The following CSNK1G1 variants were observed in gnomAD, a reference collection of about 807,000 sequenced individuals.
CSNK1G1 encodes casein kinase 1 gamma 1, also known as casein kinase I isoform gamma-1.
CSNK1G1 carries 22 observed loss-of-function variants against 59.6 expected under a neutral mutation model. That is an observed-to-expected ratio of 0.37 (90% CI 0.26 to 0.53). CSNK1G1 has a LOEUF of 0.53. Ranked by LOEUF, CSNK1G1 falls within the 20% of genes least tolerant of loss-of-function variation. The probability of loss-of-function intolerance (pLI) is 0.89; values close to 1 mark genes in which losing one functional copy is unlikely to be tolerated. For missense variants in CSNK1G1, 384 were observed against 519.5 expected (o/e 0.74, Z 2.54); for synonymous variants, 179 against 177.1 (o/e 1.01, Z -0.08).
intron 4 of CSNK1G1, among the ~76,000 whole-genome samples, chr15:64,219,377 GT>G (rs2082355979): frequency 1.3e-5 from 2 of 152,192 alleles, no homozygotes; most frequent in South Asian, 4.1e-4. Context: ...CCACTAAAAT[GT>G]TATTTTCCTA....
chr15:64,192,737 T>C (rs557869287), intron 10 of CSNK1G1, among the ~76,000 whole-genome samples: 29 of 149,316 alleles, frequency 1.9e-4, no homozygotes, highest in African/African-American at 6.9e-4. Flanking sequence ...CATATGCCTA[T>C]AGTCCCAGCT....
At chr15:64,202,953 G>A in intron 10 of CSNK1G1, 129 bp downstream of exon 10, 1 of 732,526 alleles carries the variant, frequency 1.4e-6, no homozygotes, top group South Asian at 1.6e-5. Flanking sequence ...TACCACACCT[G>A]TAAGAAATGG....
chr15:64,264,220 G>T (rs967698870), intron 2 of CSNK1G1, among the ~76,000 whole-genome samples: 1 of 152,162 alleles, frequency 6.6e-6, no homozygotes. Flanking sequence ...GGTGAAAGTT[G>T]TATTTTTACA....
At chr15:64,190,673 C>A (rs976066036) in intron 10 of CSNK1G1, among the ~76,000 whole-genome samples, 1 of 152,186 alleles carries the variant, frequency 6.6e-6, no homozygotes, top group Non-Finnish European at 1.5e-5. Context: ...CTCGGCCTCC[C>A]AAAGTGCTGG....
Position 64,251,588 on chromosome 15 carries a change from T to C in CSNK1G1, c.223-7A>G, listed in dbSNP as rs766466127. The C allele has an allele frequency of 2.5e-6, 4 of 1,604,930 alleles. No homozygotes were observed. Among genetic ancestry groups the C allele is most frequent in the Non-Finnish European group, 2.6e-6 (3 of 1,173,398 alleles). The stretch of plus-strand genomic sequence containing the variant: ...CACGTGATTTTATTGGTTCCTGAAA[T>C]CCAAAAAGAAAAACTGTGATCAGAT... On this transcript the variant is annotated splice_region_variant and splice_polypyrimidine_tract_variant and intron_variant, in intron 3 of 11. Coordinates refer to ENST00000303052, the MANE Select transcript of CSNK1G1 (RefSeq NM_022048.5).
intron 4 of CSNK1G1, among the ~76,000 whole-genome samples, chr15:64,238,519 ATATAT>A (rs1445428165): frequency 1.7e-4 from 12 of 71,460 alleles, no homozygotes; most frequent in African/African-American, 9.4e-4. Flanking sequence ...AAAAAAAAAA[ATATAT>A]ATATATATAT....
chr15:64,350,861 T>C (rs1161770418), intron 1 of CSNK1G1, among the ~76,000 whole-genome samples: 1 of 152,036 alleles, frequency 6.6e-6, no homozygotes, highest in Non-Finnish European at 1.5e-5. Flanking sequence ...TCCAAATAAG[T>C]AATCTCCACA....
At chr15:64,293,652 C>A (rs1050074610) in intron 2 of CSNK1G1, among the ~76,000 whole-genome samples, 1 of 152,194 alleles carries the variant, frequency 6.6e-6, no homozygotes, top group Admixed American at 6.5e-5. Context: ...CAGTGCCAGT[C>A]CGTGGCCCTG....
intron 10 of CSNK1G1, among the ~76,000 whole-genome samples, chr15:64,184,160 G>A (rs1009636430): frequency 5.3e-5 from 8 of 151,946 alleles, no homozygotes; most frequent in Admixed American, 3.9e-4. Flanking sequence ...AAAATTAGCC[G>A]GGCATGGTGG....
At chr15:64,299,902 T>G (rs1039909436) in intron 2 of CSNK1G1, among the ~76,000 whole-genome samples, 4 of 152,174 alleles carry the variant, frequency 2.6e-5, no homozygotes, top group Non-Finnish European at 5.9e-5. Flanking sequence ...GGATTTACTC[T>G]TTTCTTTTCA....
At chr15:64,322,924 G>A (rs778306877) in intron 1 of CSNK1G1, among the ~76,000 whole-genome samples, 16 of 151,368 alleles carry the variant, frequency 1.1e-4, no homozygotes, top group Non-Finnish European at 1.9e-4. Flanking sequence ...TACATTCCTC[G>A]TTTTGTTTTT....
intron 4 of CSNK1G1, among the ~76,000 whole-genome samples, chr15:64,225,308 A>AAG (rs2082444671): frequency 6.6e-6 from 1 of 152,038 alleles, no homozygotes; most frequent in African/African-American, 2.4e-5. Flanking sequence ...AGGCCAACCT[A>AAG]TGGCTGCCTT....
chr15:64,259,922 A>G (rs1566923290), intron 2 of CSNK1G1, among the ~76,000 whole-genome samples: 1 of 152,192 alleles, frequency 6.6e-6, no homozygotes, highest in Non-Finnish European at 1.5e-5. Context: ...AAACTTTCCT[A>G]TTTCTACAAA....
At chr15:64,334,254 G>A (rs750132019) in intron 1 of CSNK1G1, among the ~76,000 whole-genome samples, 2 of 152,116 alleles carry the variant, frequency 1.3e-5, no homozygotes, top group African/African-American at 4.8e-5. Flanking sequence ...CTGACCTTAA[G>A]TGATATGCCT....
intron 4 of CSNK1G1, among the ~76,000 whole-genome samples, chr15:64,248,466 A>G (rs1891877916): frequency 1.3e-5 from 2 of 152,208 alleles, no homozygotes; most frequent in East Asian, 3.8e-4. Flanking sequence ...ATGTGACAGA[A>G]TGACATCACA....
intron 4 of CSNK1G1, among the ~76,000 whole-genome samples, chr15:64,238,518 A>AT (rs1331534551): frequency 0.017 from 807 of 48,450 alleles, 6 homozygotes; most frequent in Admixed American, 0.029. Flanking sequence ...AAAAAAAAAA[A>AT]ATATATATAT....
At chr15:64,212,942 G>A (rs1178381132) in intron 6 of CSNK1G1, among the ~76,000 whole-genome samples, 1 of 152,108 alleles carries the variant, frequency 6.6e-6, no homozygotes, top group Non-Finnish European at 1.5e-5. Flanking sequence ...CGAGGCAGAG[G>A]TTGCAGTGAG....
At chr15:64,260,870 C>T (rs893319093) in intron 2 of CSNK1G1, among the ~76,000 whole-genome samples, 3 of 152,114 alleles carry the variant, frequency 2.0e-5, no homozygotes, top group Non-Finnish European at 4.4e-5. Flanking sequence ...TTGCGAGTAC[C>T]TTTACGTGTC....
chr15:64,291,083 AT>A, intron 2 of CSNK1G1, among the ~76,000 whole-genome samples: 1 of 152,222 alleles, frequency 6.6e-6, no homozygotes, highest in East Asian at 1.9e-4. Flanking sequence ...AGTTTGTTCC[AT>A]CCACAGAACC....
Sources: gnomAD v4.1 joint callset for allele counts (sites outside exome capture counted in the v4.1 genomes callset) on GRCh38, gnomAD v4.1.1 for gene constraint, MANE v1.5 for transcripts, NCBI Gene and HGNC (gene_info 2026-07-23, HGNC 2026-07-21) for gene names.